The following STARD13 variants were observed in gnomAD, a reference collection of about 807,000 sequenced individuals.
The protein encoded by STARD13 is StAR related lipid transfer domain containing 13.
Under a neutral mutation model 106.4 loss-of-function variants are expected in STARD13, and 62 were observed. The observed-to-expected ratio is 0.58, with a 90% CI of 0.48 to 0.72. The LOEUF is 0.72. Among genes scored for constraint, STARD13 ranks in the 30% least tolerant of loss-of-function variants. The probability of loss-of-function intolerance (pLI) is 0.00; values close to 1 mark genes in which losing one functional copy is unlikely to be tolerated. For synonymous variants in STARD13, 565 were observed against 553.0 expected, an observed-to-expected ratio of 1.02 and a Z score of -0.31; for missense variants, 1,387 against 1,424.0, an observed-to-expected ratio of 0.97 and a Z score of 0.42.
chr13:33,132,508 A>AC (rs1319717931), intron 4 of STARD13, among the ~76,000 whole-genome samples: 3 of 151,744 alleles, frequency 2.0e-5, no homozygotes, highest in African/African-American at 7.3e-5. Context: ...AGTCCATTAA[A>AC]CCTCTTTTTA....
At chr13:33,564,992 A>G in the STARD13 span, among the ~76,000 whole-genome samples, 2 of 145,636 alleles carry the variant, frequency 1.4e-5, no homozygotes, top group Non-Finnish European at 3.0e-5. Flanking sequence ...CTGTCTCAAA[A>G]AAAAAAAAAA....
chr13:33,115,937 G>A (rs1875306006), intron 8 of STARD13, among the ~76,000 whole-genome samples: 1 of 152,178 alleles, frequency 6.6e-6, no homozygotes, highest in Non-Finnish European at 1.5e-5. Context: ...CCCAACTCTG[G>A]AATTATGTGA....
the STARD13 span, among the ~76,000 whole-genome samples, chr13:33,623,422 A>T: frequency 0.094 from 13,703 of 146,072 alleles, 1,650 homozygotes; most frequent in African/African-American, 0.27. Flanking sequence ...TTGAACCTCA[A>T]TAAAGTAAAA....
At chr13:33,218,791 T>C (rs1431810043) in intron 1 of STARD13, among the ~76,000 whole-genome samples, 1 of 152,360 alleles carries the variant, frequency 6.6e-6, no homozygotes, top group South Asian at 2.1e-4. Flanking sequence ...TAGTAGTTTA[T>C]ATATTTGTGA....
At chr13:33,147,564 G>C (rs571396666) in intron 3 of STARD13, among the ~76,000 whole-genome samples, 1 of 152,322 alleles carries the variant, frequency 6.6e-6, no homozygotes, top group African/African-American at 2.4e-5. Flanking sequence ...AGACTTTAGA[G>C]AATTAGTTCC....
At chr13:33,621,065 A>G in the STARD13 span, among the ~76,000 whole-genome samples, 2 of 151,932 alleles carry the variant, frequency 1.3e-5, no homozygotes, top group Non-Finnish European at 2.9e-5. Flanking sequence ...GTCCCATCTT[A>G]AGAAGTAGAA....
At chr13:33,122,549 C>T (rs1193083680) in intron 7 of STARD13, among the ~76,000 whole-genome samples, 52 of 152,204 alleles carry the variant, frequency 3.4e-4, no homozygotes, top group Non-Finnish European at 4.4e-5. Context: ...ATAACAGGTC[C>T]TGCTGTCATC....
chr13:33,168,593 C>T (rs1883592481), intron 1 of STARD13, among the ~76,000 whole-genome samples: 1 of 152,176 alleles, frequency 6.6e-6, no homozygotes, highest in South Asian at 2.1e-4. Context: ...AAGTCTTTAC[C>T]AAGGCCCTTT....
At chr13:33,252,735 A>G (rs1336673915) in intron 1 of STARD13, among the ~76,000 whole-genome samples, 1 of 152,254 alleles carries the variant, frequency 6.6e-6, no homozygotes, top group African/African-American at 2.4e-5. Context: ...AACTTTTCCC[A>G]CATCAAATCA....
chr13:33,112,864 C>A lies in STARD13; in HGVS notation c.2349G>T (p.Arg783Ser), dbSNP rs376441665. 1 of 1,614,002 alleles carries A rather than the reference C, an allele frequency of 6.2e-7. No homozygotes were observed. Among genetic ancestry groups the A allele is most frequent in the Non-Finnish European group, 8.5e-7 (1 of 1,179,926 alleles). Residue 783 changes from arginine (R) to serine (S), a missense_variant, in exon 9 of 14, where the codon AGG becomes AGT. By Grantham distance (110) the Arg-to-Ser change is moderately radical. Transcript: ENST00000336934. The part of the protein sequence containing the change: ...AAILLLADEN[R>S]EVLQTLLCFL... ...AACACAAGAGCGTCTGCAGGACCTC[C>A]CTGTTCTCATCGGCCAGTAGCAGGA...
chr13:33,138,656 G>A (rs1009671983), intron 4 of STARD13: 12 of 272,916 alleles, frequency 4.4e-5, no homozygotes, highest in Non-Finnish European at 8.0e-5. Context: ...CTGTTTGGAA[G>A]CAGGAATGGG....
chr13:33,190,185 G>A (rs1317636004), intron 1 of STARD13, among the ~76,000 whole-genome samples: 1 of 152,164 alleles, frequency 6.6e-6, no homozygotes, highest in Non-Finnish European at 1.5e-5. Context: ...GCTCATGCCT[G>A]TAATCCCAGC....
At chr13:33,175,299 C>G (rs747915043) in intron 1 of STARD13, among the ~76,000 whole-genome samples, 2 of 152,140 alleles carry the variant, frequency 1.3e-5, no homozygotes, top group African/African-American at 4.8e-5. Flanking sequence ...GAGCCACTGC[C>G]TACCACTAAA....
At chr13:33,108,167 A>G (rs1047196551) in intron 12 of STARD13, among the ~76,000 whole-genome samples, 2 of 152,236 alleles carry the variant, frequency 1.3e-5, no homozygotes, top group African/African-American at 4.8e-5. Context: ...TGGGTGTGAC[A>G]TGAGAGACAA....
the STARD13 span, among the ~76,000 whole-genome samples, chr13:33,561,191 A>G: frequency 2.6e-5 from 4 of 151,398 alleles, no homozygotes; most frequent in East Asian, 7.7e-4. Context: ...TAACAGATAG[A>G]TGTTAGCCTT....
At chr13:33,260,710 C>T (rs765644428) in intron 1 of STARD13, among the ~76,000 whole-genome samples, 3 of 152,168 alleles carry the variant, frequency 2.0e-5, no homozygotes, top group Non-Finnish European at 4.4e-5. Context: ...CTTTTATCTA[C>T]ATTTGAAACC....
chr13:33,568,028 AT>A, the STARD13 span, among the ~76,000 whole-genome samples: 14,134 of 146,436 alleles, frequency 0.097, 1,958 homozygotes, highest in East Asian at 0.33. Context: ...GTATTTAGGG[AT>A]TTTTTTTTCT....
chr13:33,130,182 T>A lies in STARD13; in HGVS notation c.495A>T (p.Arg165=), dbSNP rs111691119. The change falls in exon 5 of 14, where the codon CGA becomes CGT. Residue 165 remains arginine (R), a synonymous_variant. Coordinates refer to ENST00000336934, the MANE Select transcript of STARD13 (RefSeq NM_178006.4). This position sits in a 1 kb window ranked among gnomAD's most constrained non-coding sequence, Gnocchi z 4.1. ...RVDDLYTLLP[R]GDRNGSPGGT... ...CTCCCGGTGACCCATTTCTGTCTCC[T>A]CGAGGGAGCAGCGTGTAGAGGTCGT... 2.4e-3 allele frequency: 3,870 copies of A among 1,613,862 alleles called. 67 individuals are homozygous for A. The African/African-American group carries it at 0.039, about 16-fold the overall frequency.
chr13:33,526,147 G>A, the STARD13 span, among the ~76,000 whole-genome samples: 1 of 151,818 alleles, frequency 6.6e-6, no homozygotes, highest in Admixed American at 6.6e-5. Context: ...TTACAGGCGT[G>A]AGCCACTGTG....
Sources: gnomAD v4.1 joint callset for allele counts (sites outside exome capture counted in the v4.1 genomes callset) on GRCh38, gnomAD v4.1.1 for gene constraint, Gnocchi (gnomAD v3.1) non-coding constraint, MANE v1.5 for transcripts, NCBI Gene and HGNC (gene_info 2026-07-23, HGNC 2026-07-21) for gene names.